The following RTTN variants were observed in gnomAD, a reference collection of about 807,000 sequenced individuals.
RTTN encodes the protein rotatin.
RTTN carries 182 observed loss-of-function variants against 269.2 expected under a neutral mutation model. That is an observed-to-expected ratio of 0.68 (90% CI 0.60 to 0.76). The LOEUF (loss-of-function observed/expected upper bound fraction) is 0.76. RTTN is among the 30% of genes least tolerant of loss of function. The probability of loss-of-function intolerance (pLI) is 0.00; values close to 1 mark genes in which losing one functional copy is unlikely to be tolerated. For synonymous variants in RTTN, 1,006 were observed against 963.5 expected (o/e 1.04, Z -0.82); for missense variants, 2,545 against 2,608.6 (o/e 0.98, Z 0.53).
In RTTN at chr18:70,176,194, GATGTAGATGTATATGTAT is replaced by G. The variant is rs1227362531; in HGVS notation, c.1476+463_1476+480del. ...ATATGTATATGTATACGTAGATGTA[GATGTAGATGTATATGTAT>G]ATGTATATGTATATGTATATGTATA... is the stretch of plus-strand genomic sequence containing the variant. On this transcript the variant is annotated intron_variant, in intron 11 of 48. Coordinates refer to ENST00000640769, the MANE Select transcript of RTTN (RefSeq NM_173630.4). Among the ~76,000 whole-genome samples, 1,204 of 143,378 alleles carry G rather than the reference GATGTAGATGTATATGTAT, an allele frequency of 8.4e-3. 23 individuals are homozygous for G. Among genetic ancestry groups the G allele is most frequent in the African/African-American group, 0.029 (1,087 of 38,048 alleles). The allele number at this position is 143,378 out of a possible 152,430, so 94.1% of individuals were successfully genotyped here.
intron 32 of RTTN, among the ~76,000 whole-genome samples, chr18:70,078,468 T>C (rs1164747738): frequency 1.3e-5 from 2 of 151,918 alleles, no homozygotes; most frequent in South Asian, 4.1e-4. Flanking sequence ...AGAAAAACTT[T>C]AGACATGAGA....
At chr18:70,056,311 G>T (rs75471902) in intron 37 of RTTN, among the ~76,000 whole-genome samples, 201 of 152,264 alleles carry the variant, frequency 1.3e-3, no homozygotes, top group South Asian at 3.5e-3. Flanking sequence ...GTGGGCCCTG[G>T]AACTGACCTG....
At chr18:70,170,847 C>T (rs1326930161) in intron 11 of RTTN, among the ~76,000 whole-genome samples, 1 of 152,000 alleles carries the variant, frequency 6.6e-6, no homozygotes, top group East Asian at 1.9e-4. Context: ...TATAGGTATT[C>T]AAGGGAGAAA....
chr18:70,005,536 C>G (rs2056158610), intron 47 of RTTN: 1 of 305,080 alleles, frequency 3.3e-6, no homozygotes, highest in Non-Finnish European at 6.0e-6. Flanking sequence ...CTCCCCTAAT[C>G]TCAATTTGCT....
intron 17 of RTTN, among the ~76,000 whole-genome samples, chr18:70,146,624 G>T (rs11662947): frequency 0.72 from 109,607 of 152,130 alleles, 46,506 homozygotes; most frequent in East Asian, 1. Context: ...CTGTATGCAG[G>T]CCTGCCACCT....
At chr18:70,130,492 A>G (rs1347392318) in intron 23 of RTTN, 2 of 151,936 alleles carry the variant, frequency 1.3e-5, no homozygotes, top group Non-Finnish European at 2.9e-5. Context: ...CATGGATGGA[A>G]CTGGAAGTCA....
intron 40 of RTTN, among the ~76,000 whole-genome samples, chr18:70,042,633 C>T (rs899084616): frequency 6.6e-6 from 1 of 152,102 alleles, no homozygotes. Flanking sequence ...GCCTCAGCCT[C>T]CCAACGTGCT....
chr18:70,055,701 A>G (rs567092802), intron 37 of RTTN, among the ~76,000 whole-genome samples: 26 of 152,238 alleles, frequency 1.7e-4, no homozygotes, highest in Non-Finnish European at 2.5e-4. Context: ...AGGTGAGGCA[A>G]GAAGAAGTGT....
rs1599362780 is a variant in RTTN at position 70,066,662 on chromosome 18, A to C, written c.4654-740T>G. Among the ~76,000 whole-genome samples, 5 of 152,238 alleles carry C rather than the reference A, an allele frequency of 3.3e-5. No homozygotes were observed. In the South Asian group the frequency reaches 1.0e-3, roughly 32 times the overall value. ...CTGTGAAGTAACATGAAGTGCCCAT[A>C]CCTGGGTAGCCTCCATATCAGTACA... On this transcript the variant is annotated intron_variant, in intron 34 of 48. Transcript: ENST00000640769.
At chr18:70,180,080 CTT>C (rs1432942391) in intron 10 of RTTN, among the ~76,000 whole-genome samples, 6 of 152,158 alleles carry the variant, frequency 3.9e-5, no homozygotes, top group African/African-American at 1.4e-4. Flanking sequence ...ATCCATGCCT[CTT>C]TGTCATGGCT....
At chr18:70,204,290 G>C (rs1456027472) in intron 2 of RTTN, 27 bp from the exon 3 acceptor site, 4 of 1,568,696 alleles carry the variant, frequency 2.5e-6, no homozygotes, top group Non-Finnish European at 2.6e-6. Context: ...ATGATCTTGA[G>C]AATAACTGTA....
intron 23 of RTTN, chr18:70,130,959 A>G (rs775642012): frequency 3.9e-5 from 6 of 152,002 alleles, no homozygotes; most frequent in Non-Finnish European, 7.4e-5. Flanking sequence ...CAAATAAATA[A>G]GCAAGCAAGC....
intron 45 of RTTN, 96 bp from the exon 46 acceptor site, chr18:70,017,770 T>C (rs895851759): frequency 8.7e-6 from 8 of 915,184 alleles, no homozygotes; most frequent in Non-Finnish European, 1.1e-5. Context: ...TGATATACTC[T>C]CCCTCTACAT....
chr18:70,177,938 C>T (rs139748034), intron 10 of RTTN, among the ~76,000 whole-genome samples: 2 of 152,142 alleles, frequency 1.3e-5, no homozygotes, highest in Non-Finnish European at 2.9e-5. Context: ...TGGGAATATA[C>T]CCAAAAGAAC....
intron 40 of RTTN, among the ~76,000 whole-genome samples, chr18:70,032,396 C>T (rs1301418601): frequency 6.6e-6 from 1 of 152,220 alleles, no homozygotes; most frequent in African/African-American, 2.4e-5. Flanking sequence ...ATTCTTCCCC[C>T]ACTGCAGCCT....
At chr18:70,051,282 C>A (rs761065615) in intron 39 of RTTN, 129 bp downstream of exon 39, 2 of 1,126,678 alleles carry the variant, frequency 1.8e-6, no homozygotes, top group Middle Eastern at 2.1e-4. Context: ...AAAGCAAGCA[C>A]CCTGATACCT....
chr18:70,120,762 A>G (rs2059714964), intron 26 of RTTN, among the ~76,000 whole-genome samples: 1 of 152,154 alleles, frequency 6.6e-6, no homozygotes, highest in Admixed American at 6.5e-5. Flanking sequence ...ATTTAGAAAA[A>G]TTTTAGAGCC....
At chr18:70,068,464 C>T (rs772018702) in intron 34 of RTTN, among the ~76,000 whole-genome samples, 1 of 152,200 alleles carries the variant, frequency 6.6e-6, no homozygotes, top group Non-Finnish European at 1.5e-5. Flanking sequence ...AGTCCTCAGA[C>T]GTACCTCTTG....
At chr18:70,045,229 T>C (rs1310702346) in intron 40 of RTTN, among the ~76,000 whole-genome samples, 1 of 152,208 alleles carries the variant, frequency 6.6e-6, no homozygotes, top group Non-Finnish European at 1.5e-5. Flanking sequence ...TAACTGAAGT[T>C]CCAATACAGT....
Sources: gnomAD v4.1 joint callset for allele counts (sites outside exome capture counted in the v4.1 genomes callset) on GRCh38, gnomAD v4.1.1 for gene constraint, MANE v1.5 for transcripts, NCBI Gene and HGNC (gene_info 2026-07-23, HGNC 2026-07-21) for gene names.